The following SLX4IP variants were observed in gnomAD, a reference collection of about 807,000 sequenced individuals.
SLX4IP encodes protein SLX4IP.
A neutral mutation model predicts 32.9 loss-of-function variants in SLX4IP; 34 were observed. The observed-to-expected ratio is 1.03, with a 90% confidence interval of 0.79 to 1.38. SLX4IP has a LOEUF of 1.38. SLX4IP is among the 40% of genes most tolerant of loss of function. The probability of loss-of-function intolerance (pLI) is 0.00; values close to 1 mark genes in which losing one functional copy is unlikely to be tolerated. For missense variants in SLX4IP, 444 were observed against 479.0 expected (o/e 0.93, Z 0.68); for synonymous variants, 172 against 171.7 (o/e 1.00, Z -0.01).
At position 10,623,203 on chromosome 20, in the gene SLX4IP, G is replaced by A. The variant is rs2067136244; in HGVS notation, c.1051G>A (p.Ala351Thr). ...AGGGTTACTTTTGAAACAAGATTTG[G>A]CAAAAACCACGTCTAAGGAAGAGTT... ...DPGLLLKQDL[A>T]KTTSKEELHV... Residue 351 changes from alanine to threonine, a missense_variant, in exon 8 of 8, where the codon GCA becomes ACA. By Grantham distance (58) the Ala-to-Thr change is moderately conservative (BLOSUM62 0). Transcript: ENST00000334534. 2 of 1,614,194 alleles carry A rather than the reference G, an allele frequency of 1.2e-6. No homozygotes were observed. Among genetic ancestry groups the A allele is most frequent in the Non-Finnish European group, 1.7e-6 (2 of 1,180,034 alleles).
Position 10,504,078 on chromosome 20 carries a change from A to G in SLX4IP, c.27+45847A>G, listed in dbSNP as rs1252305210. On this transcript the variant is annotated intron_variant, in intron 2 of 7. Transcript: ENST00000334534. ...AAACCCACAATGCTCTTCGTGAGAA[A>G]GAAGCAGCAGCCATGAAGAAAGCCT... Among the ~76,000 whole-genome samples, 9 of 152,332 alleles carry G rather than the reference A, an allele frequency of 5.9e-5. No homozygotes were observed. In the East Asian group the frequency reaches 1.7e-3, roughly 29 times the overall value.
intron 1 of SLX4IP, among the ~76,000 whole-genome samples, chr20:10,437,270 A>C (rs190009382): frequency 2.8e-4 from 43 of 152,270 alleles, no homozygotes; most frequent in African/African-American, 9.4e-4. Context: ...GAAAGCAGGC[A>C]TGAGCGACTG....
At chr20:10,546,383 C>T (rs995086720) in intron 2 of SLX4IP, among the ~76,000 whole-genome samples, 2 of 152,074 alleles carry the variant, frequency 1.3e-5, no homozygotes, top group African/African-American at 2.4e-5. Context: ...AGTGTGTGGC[C>T]GGAGTAAAAC....
chr20:10,539,829 T>C (rs1382981333), intron 2 of SLX4IP, among the ~76,000 whole-genome samples: 2 of 152,140 alleles, frequency 1.3e-5, no homozygotes, highest in Non-Finnish European at 2.9e-5. Context: ...TGATTTGATT[T>C]CATTGGCGTA....
chr20:10,558,360 A>C (rs1568739839), intron 3 of SLX4IP, among the ~76,000 whole-genome samples: 3 of 120,510 alleles, frequency 2.5e-5, no homozygotes, highest in South Asian at 2.6e-4. Flanking sequence ...AAAAAAAAAA[A>C]AACAATTCGC....
intron 2 of SLX4IP, among the ~76,000 whole-genome samples, chr20:10,482,554 A>G (rs1486317675): frequency 1.3e-5 from 2 of 152,108 alleles, no homozygotes; most frequent in Non-Finnish European, 2.9e-5. Context: ...GTTATACACT[A>G]GATGCCTGGA....
At chr20:10,529,110 A>G (rs200769553) in intron 2 of SLX4IP, among the ~76,000 whole-genome samples, 20 of 152,344 alleles carry the variant, frequency 1.3e-4, no homozygotes, top group East Asian at 9.6e-4. Flanking sequence ...TGATGTCTAA[A>G]GACTAAAAAG....
At chr20:10,459,035 A>G (rs1316766903) in intron 2 of SLX4IP, among the ~76,000 whole-genome samples, 1 of 152,086 alleles carries the variant, frequency 6.6e-6, no homozygotes, top group Non-Finnish European at 1.5e-5. Flanking sequence ...TTGTTTCCTG[A>G]CTTTTTAATA....
chr20:10,613,275 C>G, intron 6 of SLX4IP: 1 of 644,264 alleles, frequency 1.6e-6, no homozygotes, highest in Non-Finnish European at 2.7e-6. Flanking sequence ...ATACTAAGAT[C>G]AGGTTGAGAG....
chr20:10,512,205 C>T (rs1472016277), intron 2 of SLX4IP, among the ~76,000 whole-genome samples: 3 of 152,072 alleles, frequency 2.0e-5, no homozygotes, highest in Non-Finnish European at 4.4e-5. Flanking sequence ...ATGTTATTTG[C>T]AAAAACAGGC....
chr20:10,480,532 T>C (rs1216363738), intron 2 of SLX4IP, among the ~76,000 whole-genome samples: 2 of 152,230 alleles, frequency 1.3e-5, no homozygotes, highest in African/African-American at 2.4e-5. Flanking sequence ...GAAATACTTT[T>C]GTTAAATATG....
chr20:10,475,980 G>A (rs577326111), intron 2 of SLX4IP, among the ~76,000 whole-genome samples: 7 of 152,294 alleles, frequency 4.6e-5, no homozygotes, highest in East Asian at 3.9e-4. Flanking sequence ...GAGAGGCCTC[G>A]GGGGCATCCA....
At chr20:10,490,935 CAG>C (rs2065617193) in intron 2 of SLX4IP, among the ~76,000 whole-genome samples, 1 of 152,128 alleles carries the variant, frequency 6.6e-6, no homozygotes, top group African/African-American at 2.4e-5. Flanking sequence ...CACACCCTCA[CAG>C]GGGGGTATCC....
intron 2 of SLX4IP, among the ~76,000 whole-genome samples, chr20:10,548,384 G>A (rs1286157935): frequency 6.6e-5 from 10 of 151,998 alleles, no homozygotes; most frequent in Admixed American, 2.6e-4. Context: ...GACTACAGGC[G>A]CCCGCCACCA....
chr20:10,476,631 T>TG (rs2065477218), intron 2 of SLX4IP, among the ~76,000 whole-genome samples: 2 of 152,346 alleles, frequency 1.3e-5, no homozygotes, highest in Admixed American at 1.3e-4. Context: ...AGTGCATTCT[T>TG]GATCTGCTGC....
intron 1 of SLX4IP, among the ~76,000 whole-genome samples, chr20:10,443,916 C>A (rs1017698720): frequency 1.3e-5 from 2 of 152,178 alleles, no homozygotes; most frequent in Non-Finnish European, 2.9e-5. Context: ...TTGCCTTCCA[C>A]CATGATTGTA....
chr20:10,510,541 G>A (rs191181080), intron 2 of SLX4IP, among the ~76,000 whole-genome samples: 2 of 152,174 alleles, frequency 1.3e-5, no homozygotes, highest in East Asian at 1.9e-4. Context: ...GTGAAAGAGA[G>A]CCTGGCCATG....
At chr20:10,451,279 G>C (rs758507280) in intron 1 of SLX4IP, among the ~76,000 whole-genome samples, 25 of 151,922 alleles carry the variant, frequency 1.6e-4, no homozygotes, top group Non-Finnish European at 2.2e-4. Context: ...TCCTGCCTCA[G>C]CCTTGCGAGT....
chr20:10,435,737 C>G (rs965547122), intron 1 of SLX4IP, among the ~76,000 whole-genome samples: 3 of 152,204 alleles, frequency 2.0e-5, no homozygotes, highest in African/African-American at 4.8e-5. Flanking sequence ...CAAATCATGG[C>G]TACCTGCATC....
Sources: gnomAD v4.1 joint callset for allele counts (sites outside exome capture counted in the v4.1 genomes callset) on GRCh38, gnomAD v4.1.1 for gene constraint, MANE v1.5 for transcripts, NCBI Gene and HGNC (gene_info 2026-07-23, HGNC 2026-07-21) for gene names.